KCNK13: variants seen among roughly 807,000 people sequenced by gnomAD.
KCNK13 encodes the protein potassium channel subfamily K member 13.
Under a neutral mutation model 23.4 loss-of-function variants are expected in KCNK13, and 12 were observed. That is an observed-to-expected ratio of 0.51 (90% CI 0.33 to 0.83). KCNK13 has a LOEUF of 0.83. Ranked by LOEUF, KCNK13 falls within the 40% of genes least tolerant of loss-of-function variation. The pLI is 0.02. For missense variants in KCNK13, 463 were observed against 556.3 expected (o/e 0.83, Z 1.69); for synonymous variants, 231 against 229.5 (o/e 1.01, Z -0.06).
intron 1 of KCNK13, among the ~76,000 whole-genome samples, chr14:90,097,775 T>C (rs1461061255): frequency 6.6e-6 from 1 of 152,062 alleles, no homozygotes; most frequent in Non-Finnish European, 1.5e-5. Context: ...CAGTATACAA[T>C]ACTGGAAGAA....
intron 1 of KCNK13, among the ~76,000 whole-genome samples, chr14:90,173,589 T>C (rs150616026): frequency 1.8e-4 from 27 of 152,120 alleles, no homozygotes; most frequent in Non-Finnish European, 3.1e-4. Context: ...CACCAGGGTT[T>C]GAAATGGGGA....
At chr14:90,121,485 G>A (rs979922111) in intron 1 of KCNK13, among the ~76,000 whole-genome samples, 25 of 152,208 alleles carry the variant, frequency 1.6e-4, no homozygotes, top group African/African-American at 6.0e-4. Context: ...TAATGGGATA[G>A]CTGAATCCTT....
At chr14:90,172,617 G>A (rs1235266799) in intron 1 of KCNK13, among the ~76,000 whole-genome samples, 1 of 126,198 alleles carries the variant, frequency 7.9e-6, no homozygotes, top group Admixed American at 7.6e-5. Context: ...GTGTTACACT[G>A]ATGTGATTGT....
chr14:90,085,659 CA>C (rs548264060), intron 1 of KCNK13, among the ~76,000 whole-genome samples: 3 of 129,430 alleles, frequency 2.3e-5, no homozygotes, highest in African/African-American at 2.9e-5. Flanking sequence ...GACTCTGTCT[CA>C]AAAAAAAATA....
At chr14:90,137,826 T>C (rs1566643153) in intron 1 of KCNK13, among the ~76,000 whole-genome samples, 1 of 152,238 alleles carries the variant, frequency 6.6e-6, no homozygotes, top group Non-Finnish European at 1.5e-5. Context: ...AATAAGTTGC[T>C]TACACACACG....
At chr14:90,179,626 G>A (rs867238560) in intron 1 of KCNK13, among the ~76,000 whole-genome samples, 24 of 152,200 alleles carry the variant, frequency 1.6e-4, no homozygotes, top group African/African-American at 4.8e-4. Flanking sequence ...AATCTCATTC[G>A]CCGTTGGTTC....
chr14:90,154,953 G>A (rs1890177679), intron 1 of KCNK13, among the ~76,000 whole-genome samples: 2 of 152,174 alleles, frequency 1.3e-5, no homozygotes, highest in African/African-American at 4.8e-5. Context: ...TATGTTTCAG[G>A]CATCATCCTA....
chr14:90,177,061 T>A (rs1890430318), intron 1 of KCNK13, among the ~76,000 whole-genome samples: 1 of 151,802 alleles, frequency 6.6e-6, no homozygotes, highest in East Asian at 1.9e-4. Flanking sequence ...CCAGGTGTGG[T>A]GATGCAACCT....
intron 1 of KCNK13, among the ~76,000 whole-genome samples, chr14:90,091,083 C>G (rs995167782): frequency 6.6e-6 from 1 of 152,138 alleles, no homozygotes; most frequent in African/African-American, 2.4e-5. Context: ...GCTCAAGTGC[C>G]GAGGTTCCTC....
At chr14:90,158,033 T>C (rs766574589) in intron 1 of KCNK13, among the ~76,000 whole-genome samples, 2 of 152,278 alleles carry the variant, frequency 1.3e-5, no homozygotes, top group Middle Eastern at 3.4e-3. Context: ...CAGATGGCAA[T>C]GGCAATGAAC....
At chr14:90,170,400 G>A (rs564925773) in intron 1 of KCNK13, among the ~76,000 whole-genome samples, 92 of 152,206 alleles carry the variant, frequency 6.0e-4, no homozygotes, top group African/African-American at 2.2e-3. Flanking sequence ...TTTTAGTAAA[G>A]ACACGGTTTC....
rs565658757 is a variant in KCNK13, at chr14:90,184,278, C to T, written c.502C>T (p.Arg168Ter). 18 of 1,614,232 alleles carry T rather than the reference C, an allele frequency of 1.1e-5. No individual in the cohort carries two copies. Among genetic ancestry groups the T allele is most frequent in the South Asian group, 9.9e-5 (9 of 91,082 alleles). ...GTGCCACCAGCGGCAGCTCCGGAGA[C>T]GAGGGGCCCTGCCCCAGGAGAGCCT... Reference protein sequence around the residue: ...KSCHQRQLRRRGALPQESLKD... With the variant: ...KSCHQRQLRR Residue 168 changes from arginine to a stop codon, truncating the protein, a stop_gained, in exon 2 of 2, where the codon CGA becomes TGA. Transcript: ENST00000282146. LOFTEE classifies it high-confidence loss of function. This position sits in a 1 kb window ranked among gnomAD's most constrained non-coding sequence, Gnocchi z 5.6.
At chr14:90,074,029 C>T (rs984646146) in intron 1 of KCNK13, among the ~76,000 whole-genome samples, 11 of 151,938 alleles carry the variant, frequency 7.2e-5, no homozygotes, top group African/African-American at 1.9e-4. Flanking sequence ...AGTGCAGTGA[C>T]GCGATCTTGG....
intron 1 of KCNK13, among the ~76,000 whole-genome samples, chr14:90,157,019 G>A (rs1015614948): frequency 6.6e-6 from 1 of 152,200 alleles, no homozygotes; most frequent in African/African-American, 2.4e-5. Flanking sequence ...CATAGAAAGT[G>A]CACTTACTGG....
At chr14:90,181,931 C>G (rs1890492510) in intron 1 of KCNK13, among the ~76,000 whole-genome samples, 1 of 152,144 alleles carries the variant, frequency 6.6e-6, no homozygotes, top group South Asian at 2.1e-4. Context: ...AAGCAATACT[C>G]TCTGGTCTTG....
intron 1 of KCNK13, among the ~76,000 whole-genome samples, chr14:90,169,778 G>C (rs1352843378): frequency 6.6e-6 from 1 of 152,026 alleles, no homozygotes. Context: ...GTTTCTTTAA[G>C]GGACTCTCAT....
At chr14:90,122,845 T>G (rs920783917) in intron 1 of KCNK13, among the ~76,000 whole-genome samples, 10 of 152,200 alleles carry the variant, frequency 6.6e-5, no homozygotes, top group African/African-American at 2.2e-4. Flanking sequence ...AATACGCACC[T>G]AATAAGCCTT....
intron 1 of KCNK13, among the ~76,000 whole-genome samples, chr14:90,169,847 C>A (rs966401304): frequency 1.4e-4 from 21 of 152,186 alleles, no homozygotes; most frequent in African/African-American, 5.1e-4. Context: ...TCTGTACTTT[C>A]TTCTTCTGCC....
At chr14:90,131,721 G>T (rs1438586930) in intron 1 of KCNK13, among the ~76,000 whole-genome samples, 2 of 152,202 alleles carry the variant, frequency 1.3e-5, no homozygotes, top group African/African-American at 2.4e-5. Context: ...TAGAGGCAGG[G>T]TATTGCCCAG....
Sources: allele counts gnomAD v4.1 joint callset (sites outside exome capture counted in the v4.1 genomes callset), GRCh38; gene constraint gnomAD v4.1.1; non-coding constraint Gnocchi (gnomAD v3.1); transcripts MANE v1.5; gene names NCBI Gene and HGNC (gene_info 2026-07-23, HGNC 2026-07-21).